The following CCDC85A variants were observed in gnomAD, a reference collection of about 807,000 sequenced individuals.
CCDC85A encodes coiled-coil domain containing 85A.
CCDC85A carries 38 observed loss-of-function variants against 50.2 expected under a neutral mutation model. That is an observed-to-expected ratio of 0.76 (90% confidence interval 0.58 to 0.99). The LOEUF (loss-of-function observed/expected upper bound fraction) is 0.99. Ranked by LOEUF, CCDC85A falls within the 50% of genes least tolerant of loss-of-function variation. The pLI, the probability that CCDC85A is intolerant of heterozygous loss-of-function variation, is 0.00. For synonymous variants in CCDC85A, 366 were observed against 301.4 expected, an observed-to-expected ratio of 1.21 and a Z score of -2.22; for missense variants, 820 against 742.0, an observed-to-expected ratio of 1.11 and a Z score of -1.22.
At chr2:56,238,417 A>C (rs78434617) in intron 2 of CCDC85A, among the ~76,000 whole-genome samples, 1 of 94,464 alleles carries the variant, frequency 1.1e-5, no homozygotes, top group African/African-American at 4.2e-5. Flanking sequence ...ATTCTGTCTA[A>C]AAAAAAAAAA....
chr2:56,304,951 A>C (rs75035629), intron 2 of CCDC85A, among the ~76,000 whole-genome samples: 3,355 of 151,452 alleles, frequency 0.022, 130 homozygotes, highest in African/African-American at 0.076. Context: ...AACAAAAAAA[A>C]AAAAACCTGG....
rs1347614684 is a variant in CCDC85A at position 56,184,864 on chromosome 2, C to T, written c.240C>T (p.Arg80=). Residue 80 remains arginine (R), a synonymous_variant, in exon 1 of 6, where the codon CGC becomes CGT. Coordinates refer to ENST00000407595, the MANE Select transcript of CCDC85A (RefSeq NM_001080433.2). ...HSNLIREVNR[R]LQLHLGEIRG... The stretch of plus-strand genomic sequence containing the variant: ...ACCTCATCCGCGAGGTGAACCGCCG[C>T]CTGCAGCTGCACCTCGGCGAGATCC... 8.5e-6 allele frequency: 13 copies of T among 1,535,960 alleles called. No individual in the cohort carries two copies. In the Admixed American group the frequency reaches 1.2e-4, roughly 14 times the overall value.
intron 5 of CCDC85A, among the ~76,000 whole-genome samples, chr2:56,380,060 G>T (rs1479877204): frequency 6.6e-6 from 1 of 151,978 alleles, no homozygotes; most frequent in Non-Finnish European, 1.5e-5. Flanking sequence ...GAGATGATCA[G>T]CCAATTCTGT....
chr2:56,202,648 C>T (rs560061486), intron 2 of CCDC85A, among the ~76,000 whole-genome samples: 1 of 152,176 alleles, frequency 6.6e-6, no homozygotes, highest in Non-Finnish European at 1.5e-5. Context: ...ACTAATTAAG[C>T]CAGTTATTCT....
intron 2 of CCDC85A, among the ~76,000 whole-genome samples, chr2:56,324,256 G>T (rs1264804719): frequency 6.6e-6 from 1 of 152,088 alleles, no homozygotes; most frequent in East Asian, 1.9e-4. Context: ...ACAGAGGGGA[G>T]AAGGGTGTAT....
At chr2:56,208,538 T>G (rs1677046712) in intron 2 of CCDC85A, among the ~76,000 whole-genome samples, 1 of 152,136 alleles carries the variant, frequency 6.6e-6, no homozygotes, top group African/African-American at 2.4e-5. Context: ...AATCAAGAAG[T>G]GCCTGGTTTG....
chr2:56,382,560 A>T (rs776546293), intron 5 of CCDC85A, among the ~76,000 whole-genome samples: 15 of 151,986 alleles, frequency 9.9e-5, no homozygotes, highest in Admixed American at 1.3e-4. Context: ...TGGCTCTTGT[A>T]AATTCCCTGA....
At chr2:56,207,992 T>C (rs1677023271) in intron 2 of CCDC85A, among the ~76,000 whole-genome samples, 1 of 152,184 alleles carries the variant, frequency 6.6e-6, no homozygotes, top group African/African-American at 2.4e-5. Context: ...GTGACATCAG[T>C]AGATTGCCAT....
intron 2 of CCDC85A, among the ~76,000 whole-genome samples, chr2:56,218,452 G>A (rs746421074): frequency 1.6e-4 from 25 of 151,812 alleles, no homozygotes; most frequent in Non-Finnish European, 2.8e-4. Context: ...ACCATTGTTA[G>A]TAGCCTATTG....
At chr2:56,321,161 A>G (rs1673165851) in intron 2 of CCDC85A, among the ~76,000 whole-genome samples, 1 of 152,196 alleles carries the variant, frequency 6.6e-6, no homozygotes, top group African/African-American at 2.4e-5. Flanking sequence ...AGAGCTATTT[A>G]TGACAAACCC....
intron 2 of CCDC85A, among the ~76,000 whole-genome samples, chr2:56,293,696 A>G (rs1262065145): frequency 1.3e-5 from 2 of 152,238 alleles, no homozygotes; most frequent in Non-Finnish European, 2.9e-5. Context: ...CAACAAACAC[A>G]TGAAAAAAAG....
chr2:56,230,996 C>T (rs1409063887), intron 2 of CCDC85A, among the ~76,000 whole-genome samples: 1 of 152,158 alleles, frequency 6.6e-6, no homozygotes, highest in Non-Finnish European at 1.5e-5. Flanking sequence ...TTGTATGTTT[C>T]TTACATCTTA....
rs980873266 is a variant in CCDC85A, at chr2:56,384,385, C to G, written c.*30C>G. ...CACTCTTTTTCAAACAGGAGATCAC[C>G]ACTGCCAGAAAGTGATAGAAGACAA... On this transcript the variant is annotated 3_prime_UTR_variant, in exon 6 of 6. Transcript: ENST00000407595. 1.9e-6 allele frequency: 3 copies of G among 1,561,744 alleles called. No individual in the cohort carries two copies. The highest frequency in any genetic ancestry group is 2.9e-5 in the African/African-American group (2 of 70,156).
intron 3 of CCDC85A, among the ~76,000 whole-genome samples, chr2:56,344,109 C>A (rs1284130746): frequency 6.6e-6 from 1 of 152,052 alleles, no homozygotes; most frequent in Non-Finnish European, 1.5e-5. Flanking sequence ...TCCAAGACCC[C>A]AAGTGGATGC....
chr2:56,325,738 G>C (rs371541365), intron 2 of CCDC85A, among the ~76,000 whole-genome samples: 2 of 152,196 alleles, frequency 1.3e-5, no homozygotes, highest in African/African-American at 4.8e-5. Context: ...TGAGAGTTGG[G>C]TTGTAAGAAG....
rs144591808 is a variant in CCDC85A, at chr2:56,293,731, A to G, written c.1241-49148A>G. Among the ~76,000 whole-genome samples, 1,112 of 150,346 alleles carry G rather than the reference A, an allele frequency of 7.4e-3. 12 individuals are homozygous for G. Among genetic ancestry groups the G allele is most frequent in the African/African-American group, 0.025 (1,039 of 41,528 alleles). Reference sequence around the variant, plus strand: ...GCTCAACATCACTGATCATTAGAGAAATTCAAATCAAAACCACAATGAGAT... The same window carrying G: ...GCTCAACATCACTGATCATTAGAGAGATTCAAATCAAAACCACAATGAGAT... On this transcript the variant is annotated intron_variant, in intron 2 of 5. Coordinates refer to ENST00000407595, the MANE Select transcript of CCDC85A (RefSeq NM_001080433.2).
intron 2 of CCDC85A, among the ~76,000 whole-genome samples, chr2:56,267,843 T>C (rs1670521611): frequency 6.6e-6 from 1 of 152,214 alleles, no homozygotes; most frequent in Non-Finnish European, 1.5e-5. Context: ...AAATTTCTCC[T>C]TGAACCCAGT....
intron 1 of CCDC85A, among the ~76,000 whole-genome samples, chr2:56,191,763 T>C (rs1461201937): frequency 6.6e-6 from 1 of 152,150 alleles, no homozygotes; most frequent in African/African-American, 2.4e-5. Context: ...TTCAGGTGGG[T>C]GTGGCAAGTA....
rs988901024 is a variant in CCDC85A, at chr2:56,385,767, A to T, written c.*1412A>T. On this transcript the variant is annotated 3_prime_UTR_variant, in exon 6 of 6. Coordinates refer to ENST00000407595, the MANE Select transcript of CCDC85A (RefSeq NM_001080433.2). ...TTATACTTTCAAAAATGTTACTGTG[A>T]TGAAAAATCATCTATTTTCAGAAAA... The T allele has an allele frequency of 6.6e-6, 1 of 151,756 alleles. No individual in the cohort carries two copies. Among genetic ancestry groups the T allele is most frequent in the African/African-American group, 2.4e-5 (1 of 41,394 alleles). 9.4% of individuals were successfully genotyped at this position (151,756 alleles called of 1,614,324 possible).
Sources: allele counts gnomAD v4.1 joint callset (sites outside exome capture counted in the v4.1 genomes callset), GRCh38; gene constraint gnomAD v4.1.1; transcripts MANE v1.5; gene names NCBI Gene and HGNC (gene_info 2026-07-23, HGNC 2026-07-21).